The following RAPGEF1 variants were observed in gnomAD, a reference collection of about 807,000 sequenced individuals.
The protein encoded by RAPGEF1 is Rap guanine nucleotide exchange factor 1.
A neutral mutation model predicts 143.3 loss-of-function variants in RAPGEF1; 33 were observed. The ratio of observed to expected loss-of-function variants is 0.23; its 90% CI spans 0.17 to 0.31. The LOEUF (loss-of-function observed/expected upper bound fraction) is 0.31, where lower values mean the gene tolerates loss of function less well. Ranked by LOEUF, RAPGEF1 falls within the 10% of genes least tolerant of loss-of-function variation. The pLI, the probability that RAPGEF1 is intolerant of heterozygous loss-of-function variation, is 1.00. For missense variants in RAPGEF1, 1,199 were observed against 1,645.4 expected, an observed-to-expected ratio of 0.73 and a Z score of 4.69; for synonymous variants, 629 against 676.5, an observed-to-expected ratio of 0.93 and a Z score of 1.09.
chr9:131,721,767 T>C (rs1428813097), intron 1 of RAPGEF1, among the ~76,000 whole-genome samples: 1 of 152,190 alleles, frequency 6.6e-6, no homozygotes, highest in East Asian at 1.9e-4. Context: ...TTCTTGTCAA[T>C]ATTCCCTAAG....
chr9:131,604,314 A>G (rs1461626893), intron 13 of RAPGEF1, among the ~76,000 whole-genome samples: 1 of 152,222 alleles, frequency 6.6e-6, no homozygotes, highest in East Asian at 1.9e-4. Context: ...GTGGCGGGAA[A>G]CGATTATGGA....
At position 131,576,955 on chromosome 9, in the gene RAPGEF1, G is replaced by A. The variant is rs1951283106; in HGVS notation, c.*2542C>T. The A allele has an allele frequency of 6.6e-6, 1 of 152,372 alleles. No individual in the cohort carries two copies. Among genetic ancestry groups the A allele is most frequent in the Non-Finnish European group, 1.5e-5 (1 of 68,190 alleles). The allele number at this position is 152,372 out of a possible 1,614,324, so 9.4% of individuals were successfully genotyped here. ...CCAGAATCGGGTTCAGGTCAGACAT[G>A]GTGTGTGCCTGCCCCTCCTTGCCCC... On this transcript the variant is annotated 3_prime_UTR_variant, in exon 27 of 27. Coordinates refer to ENST00000683357, the MANE Select transcript of RAPGEF1 (RefSeq NM_001377935.1).
At chr9:131,678,201 T>C (rs1396695393) in intron 1 of RAPGEF1, among the ~76,000 whole-genome samples, 1 of 152,226 alleles carries the variant, frequency 6.6e-6, no homozygotes, top group Non-Finnish European at 1.5e-5. Flanking sequence ...ACTCAAGATT[T>C]ACTGCAACTG....
At chr9:131,735,662 G>A (rs1837366909) in intron 1 of RAPGEF1, among the ~76,000 whole-genome samples, 1 of 152,236 alleles carries the variant, frequency 6.6e-6, no homozygotes, top group African/African-American at 2.4e-5. Context: ...ATTTCTCCGA[G>A]GAGGGGATGC....
intron 1 of RAPGEF1, among the ~76,000 whole-genome samples, chr9:131,668,544 G>A (rs1271395433): frequency 6.6e-6 from 1 of 151,920 alleles, no homozygotes; most frequent in Admixed American, 6.6e-5. Context: ...AAGGTCACAG[G>A]GTTAAGTTTA....
At chr9:131,653,261 T>A (rs1971567085) in intron 1 of RAPGEF1, among the ~76,000 whole-genome samples, 1 of 152,240 alleles carries the variant, frequency 6.6e-6, no homozygotes. Flanking sequence ...CGATACCAAA[T>A]ACAATGTAAA....
intron 12 of RAPGEF1, among the ~76,000 whole-genome samples, chr9:131,614,994 C>T (rs1411396195): frequency 6.6e-6 from 1 of 152,234 alleles, no homozygotes; most frequent in Non-Finnish European, 1.5e-5. Context: ...CCAAATAGAC[C>T]TCTTAGTGAG....
intron 1 of RAPGEF1, among the ~76,000 whole-genome samples, chr9:131,713,687 G>A (rs1835665788): frequency 6.6e-6 from 1 of 152,172 alleles, no homozygotes; most frequent in African/African-American, 2.4e-5. Flanking sequence ...GAGGTGGGAG[G>A]TTGAGGCAGG....
At chr9:131,586,429 G>A (rs1322891485) in intron 22 of RAPGEF1, among the ~76,000 whole-genome samples, 3 of 74,788 alleles carry the variant, frequency 4.0e-5, no homozygotes, top group South Asian at 5.3e-4. Flanking sequence ...CCTGCAGAGC[G>A]AGACTCCGTC....
intron 3 of RAPGEF1, among the ~76,000 whole-genome samples, chr9:131,645,570 T>G (rs1969345331): frequency 6.6e-6 from 1 of 152,224 alleles, no homozygotes; most frequent in Non-Finnish European, 1.5e-5. Flanking sequence ...CTCCCAGAAT[T>G]AATGGCCTCT....
At chr9:131,701,759 G>A (rs1475980669) in intron 1 of RAPGEF1, among the ~76,000 whole-genome samples, 1 of 152,124 alleles carries the variant, frequency 6.6e-6, no homozygotes. Flanking sequence ...GAGACACAAA[G>A]CCACACTCTA....
At chr9:131,668,884 T>C (rs1033475628) in intron 1 of RAPGEF1, among the ~76,000 whole-genome samples, 3 of 152,248 alleles carry the variant, frequency 2.0e-5, no homozygotes, top group African/African-American at 7.2e-5. Flanking sequence ...CTTTGTCTTT[T>C]AGGTGGAGTT....
At chr9:131,609,519 T>C (rs1046510667) in intron 12 of RAPGEF1, among the ~76,000 whole-genome samples, 2 of 151,912 alleles carry the variant, frequency 1.3e-5, no homozygotes, top group African/African-American at 4.8e-5. Flanking sequence ...ACACCAGGCA[T>C]GCAAAGCCCA....
chr9:131,637,801 T>C (rs1163241023), intron 5 of RAPGEF1, among the ~76,000 whole-genome samples: 2 of 152,240 alleles, frequency 1.3e-5, no homozygotes, highest in African/African-American at 4.8e-5. Context: ...GCTATTATTA[T>C]ACCTATTTCA....
chr9:131,710,796 G>A (rs1016958613), intron 1 of RAPGEF1, among the ~76,000 whole-genome samples: 3 of 152,108 alleles, frequency 2.0e-5, no homozygotes, highest in Non-Finnish European at 4.4e-5. Flanking sequence ...GGCTGAGGCA[G>A]GAGAATCACT....
chr9:131,713,667 TTGGGAGGCTGAGG>T (rs1835664502), intron 1 of RAPGEF1, among the ~76,000 whole-genome samples: 2 of 152,124 alleles, frequency 1.3e-5, no homozygotes, highest in African/African-American at 4.8e-5. Context: ...GAATTCAGAC[TTGGGAGGCTGAGG>T]TGGGAGGTTG....
At position 131,580,417 on chromosome 9, in the gene RAPGEF1, T is replaced by C. The variant is rs762162619; in HGVS notation, c.3513-26A>G. On this transcript the variant is annotated intron_variant, in intron 25 of 26. Coordinates refer to ENST00000683357, the MANE Select transcript of RAPGEF1 (RefSeq NM_001377935.1). ...CTGGGAGGACGGGTTAGGCAGCCTG[T>C]TACTGCTACGGGGTTTGGAAGCAGC... 3 of 1,609,470 alleles carry C rather than the reference T, an allele frequency of 1.9e-6. No individual in the cohort carries two copies. The East Asian group carries it at 6.7e-5, about 36-fold the overall frequency.
chr9:131,590,849 C>T (rs1186148076), intron 18 of RAPGEF1, among the ~76,000 whole-genome samples: 9 of 152,224 alleles, frequency 5.9e-5, no homozygotes, highest in Admixed American at 5.2e-4. Flanking sequence ...AGGGGGCAAG[C>T]AGCGTGTGGC....
chr9:131,674,040 C>T (rs993376625), intron 1 of RAPGEF1, among the ~76,000 whole-genome samples: 38 of 152,294 alleles, frequency 2.5e-4, no homozygotes, highest in East Asian at 1.9e-4. Context: ...CAGAATGATG[C>T]GAGCAGAGAG....
Sources: allele counts gnomAD v4.1 joint callset (sites outside exome capture counted in the v4.1 genomes callset), GRCh38; gene constraint gnomAD v4.1.1; transcripts MANE v1.5; gene names NCBI Gene and HGNC (gene_info 2026-07-23, HGNC 2026-07-21).